ATG10: variants seen among roughly 807,000 people sequenced by gnomAD.
The protein encoded by ATG10 is ubiquitin-like-conjugating enzyme ATG10.
A neutral mutation model predicts 32.1 loss-of-function variants in ATG10; 30 were observed. The ratio of observed to expected loss-of-function variants is 0.94; its 90% CI spans 0.70 to 1.27. The LOEUF is 1.27. Among genes scored for constraint, ATG10 ranks in the 50% most tolerant of loss-of-function variants. The pLI is 0.00. For missense variants in ATG10, 233 were observed against 262.3 expected (o/e 0.89, Z 0.77); for synonymous variants, 87 against 91.5 (o/e 0.95, Z 0.28).
intron 3 of ATG10, among the ~76,000 whole-genome samples, chr5:82,116,121 C>A (rs1309820466): frequency 6.6e-6 from 1 of 152,006 alleles, no homozygotes; most frequent in Non-Finnish European, 1.5e-5. Flanking sequence ...TGTCTCTAAT[C>A]TAAAATAATT....
At chr5:82,050,217 T>G (rs1763367641) in intron 2 of ATG10, among the ~76,000 whole-genome samples, 1 of 152,084 alleles carries the variant, frequency 6.6e-6, no homozygotes, top group Admixed American at 6.5e-5. Context: ...TTCCATTGTA[T>G]GGATGATTTT....
rs1477113635 is a variant in ATG10 at position 82,253,511 on chromosome 5, C to A, written c.*4+82C>A. The A allele has an allele frequency of 3.1e-6, 3 of 975,342 alleles. No individual in the cohort carries two copies. The East Asian group carries it at 7.4e-5, about 24-fold the overall frequency. The allele number at this position is 975,342 out of a possible 1,614,324, so 60.4% of individuals were successfully genotyped here. A position where few individuals can be genotyped will look rare whatever the true frequency, so the allele number is the denominator to read the frequency against. On this transcript the variant is annotated intron_variant, in intron 7 of 7. Transcript: ENST00000282185. ...GCATTTAGACTCATCCCACCAAATG[C>A]AAAATTTGCTTTCATCTTTAGTGGG...
chr5:82,178,255 A>G (rs1463825886), intron 4 of ATG10, among the ~76,000 whole-genome samples: 1 of 152,190 alleles, frequency 6.6e-6, no homozygotes, highest in African/African-American at 2.4e-5. Context: ...CCTAGAGGCA[A>G]TGAATGAGCA....
At chr5:82,013,914 TATTTACAG>T (rs1339269975) in intron 2 of ATG10, among the ~76,000 whole-genome samples, 2 of 152,136 alleles carry the variant, frequency 1.3e-5, no homozygotes, top group African/African-American at 2.4e-5. Flanking sequence ...TCATTTGTCA[TATTTACAG>T]ATTGTGAATT....
chr5:81,986,010 G>A lies in ATG10; in HGVS notation c.-12-1549G>A, dbSNP rs184747481. On this transcript the variant is annotated intron_variant, in intron 1 of 7. Transcript: ENST00000282185. ...CATCTCCTGACCTTGTGATCCGCCT[G>A]CCTCGGCCTCCCCAAAGTGCTGGGA... 2.0e-3 allele frequency among the ~76,000 whole-genome samples: 301 copies of A among 152,230 alleles called. 1 individual carries two copies. The highest frequency in any genetic ancestry group is 7.0e-3 in the African/African-American group (290 of 41,538).
intron 2 of ATG10, among the ~76,000 whole-genome samples, chr5:82,017,783 A>G (rs1762329391): frequency 6.6e-6 from 1 of 152,188 alleles, no homozygotes; most frequent in Non-Finnish European, 1.5e-5. Flanking sequence ...ATCTTCTAGC[A>G]TCACTTGACA....
chr5:81,975,475 G>T (rs1048321390), intron 1 of ATG10, among the ~76,000 whole-genome samples: 2 of 152,194 alleles, frequency 1.3e-5, no homozygotes, highest in Non-Finnish European at 2.9e-5. Context: ...GAGCTGAGGA[G>T]TTTGAGACCA....
intron 3 of ATG10, among the ~76,000 whole-genome samples, chr5:82,127,574 T>C (rs1018993545): frequency 6.6e-6 from 1 of 152,174 alleles, no homozygotes; most frequent in African/African-American, 2.4e-5. Flanking sequence ...GTTGTTCATT[T>C]TCCATGCAGT....
In ATG10 at chr5:82,123,325, T is replaced by C. The variant is rs7702602; in HGVS notation, c.217-41074T>C. Among the ~76,000 whole-genome samples the C allele has an allele frequency of 3.8e-3, 580 of 152,124 alleles. 6 individuals carry two copies. Among genetic ancestry groups the C allele is most frequent in the African/African-American group, 0.013 (557 of 41,492 alleles). On this transcript the variant is annotated intron_variant, in intron 3 of 7. Coordinates refer to ENST00000282185, the MANE Select transcript of ATG10 (RefSeq NM_031482.5). ...GTGGGAGCTATATGACAAGAACTCA[T>C]GAACACAAAGAAGGGAGCAACAGAC... is the stretch of plus-strand genomic sequence containing the variant.
chr5:82,236,499 G>A (rs1425070465), intron 5 of ATG10, among the ~76,000 whole-genome samples: 1 of 152,140 alleles, frequency 6.6e-6, no homozygotes, highest in Non-Finnish European at 1.5e-5. Flanking sequence ...AGAAGCCCAG[G>A]GAGGGAGCCC....
intron 3 of ATG10, among the ~76,000 whole-genome samples, chr5:82,163,460 T>C (rs1221818898): frequency 6.6e-6 from 1 of 152,214 alleles, no homozygotes; most frequent in Non-Finnish European, 1.5e-5. Context: ...TTATTTCATA[T>C]TGATAAAGTA....
chr5:82,085,769 C>G (rs1436193307), intron 3 of ATG10, among the ~76,000 whole-genome samples: 1 of 152,040 alleles, frequency 6.6e-6, no homozygotes, highest in Admixed American at 6.6e-5. Context: ...ACACTAGGTA[C>G]AAAGTTTAAA....
intron 5 of ATG10, among the ~76,000 whole-genome samples, chr5:82,238,015 C>T (rs1334125569): frequency 6.6e-6 from 1 of 152,218 alleles, no homozygotes; most frequent in African/African-American, 2.4e-5. Context: ...TTCAGGCAAG[C>T]AGGATCTTAA....
At chr5:82,205,011 A>G (rs1248290142) in intron 5 of ATG10, among the ~76,000 whole-genome samples, 1 of 152,250 alleles carries the variant, frequency 6.6e-6, no homozygotes, top group Admixed American at 6.5e-5. Flanking sequence ...TTAAAAGAAC[A>G]GAAGACTGCC....
intron 3 of ATG10, among the ~76,000 whole-genome samples, chr5:82,094,979 G>A (rs1275764695): frequency 6.6e-6 from 1 of 151,990 alleles, no homozygotes; most frequent in African/African-American, 2.4e-5. Flanking sequence ...ATTCCTCTGG[G>A]AAGTAGAATT....
chr5:82,152,301 G>T (rs1182129574), intron 3 of ATG10, among the ~76,000 whole-genome samples: 1 of 152,192 alleles, frequency 6.6e-6, no homozygotes, highest in Non-Finnish European at 1.5e-5. Flanking sequence ...GGACTACTGA[G>T]CATATGGGAT....
intron 3 of ATG10, 79 bp from the exon 4 acceptor site, chr5:82,164,320 A>G: frequency 7.5e-7 from 1 of 1,339,814 alleles, no homozygotes; most frequent in Non-Finnish European, 1.1e-6. Context: ...TGTGAGAAGA[A>G]AATCTCCTCT....
intron 3 of ATG10, among the ~76,000 whole-genome samples, chr5:82,109,193 A>G (rs150824370): frequency 1.3e-4 from 20 of 152,178 alleles, no homozygotes; most frequent in East Asian, 1.2e-3. Context: ...TTGTTCCTCA[A>G]TCAGCAAATA....
At chr5:82,202,829 T>C (rs776002287) in intron 5 of ATG10, among the ~76,000 whole-genome samples, 61 of 152,348 alleles carry the variant, frequency 4.0e-4, no homozygotes, top group Non-Finnish European at 7.8e-4. Context: ...TCCCCTGGCC[T>C]GAAACACGTT....
Sources: gnomAD v4.1 joint callset for allele counts (sites outside exome capture counted in the v4.1 genomes callset) on GRCh38, gnomAD v4.1.1 for gene constraint, MANE v1.5 for transcripts, NCBI Gene and HGNC (gene_info 2026-07-23, HGNC 2026-07-21) for gene names.